Variants in FNDC8 observed in about 807,000 individuals in gnomAD.
FNDC8 encodes fibronectin type III domain containing 8, also known as fibronectin type III domain-containing protein 8.
Under a neutral mutation model 24.8 loss-of-function variants are expected in FNDC8, and 23 were observed. The observed-to-expected ratio is 0.93, with a 90% CI of 0.67 to 1.31. The LOEUF (loss-of-function observed/expected upper bound fraction) is 1.31, where lower values mean the gene tolerates loss of function less well. Among genes scored for constraint, FNDC8 ranks in the 40% most tolerant of loss-of-function variants. The pLI is 0.00. For synonymous variants in FNDC8, 158 were observed against 165.3 expected, an observed-to-expected ratio of 0.96 and a Z score of 0.34; for missense variants, 371 against 398.2, an observed-to-expected ratio of 0.93 and a Z score of 0.58.
chr17:35,129,276 A>T, intron 2 of FNDC8, 146 bp from the exon 3 acceptor site: 1 of 996,440 alleles, frequency 1.0e-6, no homozygotes, highest in Non-Finnish European at 1.5e-6. Context: ...TCAGTGCTGC[A>T]GTACCTTGCA....
rs1307656310 is a variant in FNDC8, at chr17:35,127,150, C to T, written c.318C>T (p.Asn106=). 3.1e-6 allele frequency: 5 copies of T among 1,614,124 alleles called. No homozygotes were observed. Among genetic ancestry groups the T allele is most frequent in the Non-Finnish European group, 3.4e-6 (4 of 1,180,052 alleles). ...TCAAATTAGCTGTGACCCAGCCCAA[C>T]AGCAGCTTCTTTGCAGGGATGCTGG... The part of the protein sequence containing the change: ...NPIKLAVTQP[N]SSFFAGMLEG... The change falls in exon 2 of 4, where the codon AAC becomes AAT. Residue 106 remains asparagine (N), a synonymous_variant. Coordinates refer to ENST00000158009, the MANE Select transcript of FNDC8 (RefSeq NM_017559.4).
In FNDC8 at chr17:35,127,263, C is replaced by T. The variant is rs146469493; in HGVS notation, c.431C>T (p.Ser144Leu). 2.2e-5 allele frequency: 36 copies of T among 1,613,864 alleles called. No homozygotes were observed. Among genetic ancestry groups the T allele is most frequent in the African/African-American group, 1.6e-4 (12 of 74,936 alleles). The change falls in exon 2 of 4, where the codon TCG becomes TTG. Residue 144 changes from serine (S) to leucine (L), a missense_variant. Ser to Leu is a moderately radical substitution (Grantham distance 145). Transcript: ENST00000158009. The stretch of plus-strand genomic sequence containing the variant: ...GCGCTCGGCCCCTGCCCATGCCCAT[C>T]GAAGTCCCAGATGGCCACAAGGGGC... ...DLALGPCPCP[S>L]KSQMATRGLL...
intron 2 of FNDC8, chr17:35,129,184 G>A: frequency 2.0e-6 from 1 of 502,646 alleles, no homozygotes; most frequent in Non-Finnish European, 3.6e-6. Context: ...TGGCGTATAA[G>A]AAATATGGAA....
intron 1 of FNDC8, among the ~76,000 whole-genome samples, chr17:35,126,112 A>C (rs1028796711): frequency 6.6e-6 from 1 of 151,980 alleles, no homozygotes; most frequent in African/African-American, 2.4e-5. Flanking sequence ...AGTAGAGTCA[A>C]GGTTTCGCTA....
At position 35,127,027 on chromosome 17, in the gene FNDC8, C is replaced by A; in HGVS notation, c.210-15C>A. 6.4e-7 allele frequency: 1 copy of A among 1,563,734 alleles called. No individual in the cohort carries two copies. Among genetic ancestry groups the A allele is most frequent in the South Asian group, 1.2e-5 (1 of 84,274 alleles). ...CCTCCTTCATCTGATTCACCTGTCT[C>A]CCCTTTTGCTCCAGGAAGCCGCTGC... On this transcript the variant is annotated splice_polypyrimidine_tract_variant and intron_variant, in intron 1 of 3. Coordinates refer to ENST00000158009, the MANE Select transcript of FNDC8 (RefSeq NM_017559.4).
intron 3 of FNDC8, 191 bp downstream of exon 3, chr17:35,129,849 C>A: frequency 7.0e-7 from 1 of 1,425,342 alleles, no homozygotes; most frequent in Non-Finnish European, 9.1e-7. Context: ...CACTCTGGGG[C>A]CCACTAGGAA....
At chr17:35,129,360 G>A in intron 2 of FNDC8, 62 bp from the exon 3 acceptor site, 6 of 1,575,698 alleles carry the variant, frequency 3.8e-6, no homozygotes, top group South Asian at 1.2e-5. Flanking sequence ...CAGTTGGGAG[G>A]GTGAAGGGAC....
chr17:35,129,936 G>A, intron 3 of FNDC8: 1 of 1,378,348 alleles, frequency 7.3e-7, no homozygotes, highest in South Asian at 1.7e-5. Context: ...CTGCAATTCA[G>A]TGCCCATGAT....
At chr17:35,127,978 G>A (rs747264695) in intron 2 of FNDC8, among the ~76,000 whole-genome samples, 3 of 152,046 alleles carry the variant, frequency 2.0e-5, no homozygotes, top group African/African-American at 4.8e-5. Flanking sequence ...CCCCGTCCGC[G>A]GGCTACACGT....
chr17:35,129,224 G>T (rs2091861632), intron 2 of FNDC8, 198 bp from the exon 3 acceptor site: 2 of 677,508 alleles, frequency 3.0e-6, no homozygotes, highest in South Asian at 1.8e-5. Flanking sequence ...GGGTGGGGCT[G>T]CCCAGGAGAG....
At chr17:35,128,138 C>T (rs1014376790) in intron 2 of FNDC8, among the ~76,000 whole-genome samples, 13 of 152,246 alleles carry the variant, frequency 8.5e-5, no homozygotes, top group African/African-American at 2.9e-4. Context: ...AAAAGCTTCA[C>T]ATCAGATGAT....
intron 1 of FNDC8, among the ~76,000 whole-genome samples, chr17:35,125,874 G>C (rs947799197): frequency 2.0e-5 from 3 of 152,074 alleles, no homozygotes; most frequent in South Asian, 4.2e-4. Context: ...AAAAAATTCA[G>C]AGTGGAAGAA....
intron 2 of FNDC8, chr17:35,128,788 A>C (rs140964023): frequency 3.8e-4 from 61 of 159,254 alleles, no homozygotes; most frequent in South Asian, 5.9e-4. Context: ...TTATTATTAC[A>C]TTGTAATATA....
chr17:35,123,986 T>A (rs1305860739), intron 1 of FNDC8, among the ~76,000 whole-genome samples: 1 of 152,222 alleles, frequency 6.6e-6, no homozygotes, highest in Non-Finnish European at 1.5e-5. Flanking sequence ...ACCCAGACTC[T>A]TCAGTCTACA....
At position 35,129,675 on chromosome 17, in the gene FNDC8, G is replaced by A; in HGVS notation, c.822+17G>A. ...CCCTACAAAGTGAGCCCTGGGAAAA[G>A]AGGGGCCTTGGGGGTGGAGAGAAGT... On this transcript the variant is annotated intron_variant, in intron 3 of 3. Transcript: ENST00000158009. 6.2e-7 allele frequency: 1 copy of A among 1,610,882 alleles called. No homozygotes were observed. The highest frequency in any genetic ancestry group is 8.5e-7 in the Non-Finnish European group (1 of 1,178,856).
chr17:35,126,576 C>G (rs908728412), intron 1 of FNDC8, among the ~76,000 whole-genome samples: 2 of 141,882 alleles, frequency 1.4e-5, no homozygotes, highest in African/African-American at 5.3e-5. Flanking sequence ...GATCTCGGCT[C>G]ACTGCAACTT....
At chr17:35,129,826 T>C in intron 3 of FNDC8, 168 bp downstream of exon 3, 1 of 1,434,986 alleles carries the variant, frequency 7.0e-7, no homozygotes. Flanking sequence ...TCTGGGAGGT[T>C]TAAGGATTAA....
At chr17:35,125,933 A>G (rs915608695) in intron 1 of FNDC8, among the ~76,000 whole-genome samples, 4 of 152,046 alleles carry the variant, frequency 2.6e-5, no homozygotes, top group African/African-American at 7.2e-5. Context: ...GTTTTATTTT[A>G]TTTTTGAGAC....
chr17:35,121,969 C>G, intron 1 of FNDC8, 67 bp downstream of exon 1: 2 of 1,110,466 alleles, frequency 1.8e-6, no homozygotes, highest in Non-Finnish European at 2.5e-6. Flanking sequence ...CTTCCTTCCT[C>G]CCTTCCTTCC....
Sources: gnomAD v4.1 joint callset for allele counts (sites outside exome capture counted in the v4.1 genomes callset) on GRCh38, gnomAD v4.1.1 for gene constraint, MANE v1.5 for transcripts, NCBI Gene and HGNC (gene_info 2026-07-23, HGNC 2026-07-21) for gene names.